The following WASF3 variants were observed in gnomAD, a reference collection of about 807,000 sequenced individuals.
WASF3 encodes the protein actin-binding protein WASF3.
WASF3 carries 11 observed loss-of-function variants against 46.6 expected under a neutral mutation model. The observed-to-expected ratio is 0.24, with a 90% CI of 0.15 to 0.39. The LOEUF (loss-of-function observed/expected upper bound fraction) is 0.39. Ranked by LOEUF, WASF3 falls within the 10% of genes least tolerant of loss-of-function variation. WASF3 has a pLI of 1.00. For synonymous variants in WASF3, 242 were observed against 259.7 expected, an observed-to-expected ratio of 0.93 and a Z score of 0.65; for missense variants, 576 against 669.8, an observed-to-expected ratio of 0.86 and a Z score of 1.55.
chr13:26,620,156 AT>A (rs952058687), intron 2 of WASF3, among the ~76,000 whole-genome samples: 2 of 151,934 alleles, frequency 1.3e-5, no homozygotes, highest in Non-Finnish European at 2.9e-5. Context: ...TTATCTTAAA[AT>A]TTTTTTTATT....
In WASF3 at chr13:26,586,752, C is replaced by G. The variant is rs1411551035; in HGVS notation, c.-108-26209C>G. Among the ~76,000 whole-genome samples the G allele has an allele frequency of 2.0e-5, 3 of 152,252 alleles. No homozygotes were observed. In the East Asian group the frequency reaches 5.8e-4, roughly 29 times the overall value. ...GACTGGGTTTTAGACCTTATTCTGA[C>G]ATTAACTGGCTCTGTAATAAAAAGA... is the stretch of plus-strand genomic sequence containing the variant. On this transcript the variant is annotated intron_variant, in intron 1 of 9. Transcript: ENST00000335327.
At chr13:26,542,795 T>A in the WASF3 span, among the ~76,000 whole-genome samples, 54 of 152,340 alleles carry the variant, frequency 3.5e-4, no homozygotes, top group African/African-American at 1.2e-3. Flanking sequence ...CATTGTTAGT[T>A]TATTAGCAGA....
chr13:26,570,840 G>T (rs1338405404), intron 1 of WASF3, among the ~76,000 whole-genome samples: 1 of 152,150 alleles, frequency 6.6e-6, no homozygotes, highest in Non-Finnish European at 1.5e-5. Context: ...CTGGGTTGAA[G>T]GATAAATGTA....
At chr13:26,610,847 A>G (rs17546069) in intron 1 of WASF3, among the ~76,000 whole-genome samples, 20,858 of 152,122 alleles carry the variant, frequency 0.14, 1,596 homozygotes, top group South Asian at 0.2. Flanking sequence ...TGTGACTTCA[A>G]AGGAGTTACT....
intron 1 of WASF3, among the ~76,000 whole-genome samples, chr13:26,602,011 C>G (rs560362400): frequency 6.6e-6 from 1 of 152,340 alleles, no homozygotes; most frequent in Admixed American, 6.5e-5. Flanking sequence ...TTAAATGCCT[C>G]TGCTACCTTG....
intron 2 of WASF3, among the ~76,000 whole-genome samples, chr13:26,640,040 GGT>G (rs1881948646): frequency 6.6e-6 from 1 of 152,060 alleles, no homozygotes; most frequent in Non-Finnish European, 1.5e-5. Flanking sequence ...GGAGGTGATA[GGT>G]GTGATAGGTG....
chr13:26,636,305 G>T (rs1185158199), intron 2 of WASF3, among the ~76,000 whole-genome samples: 3 of 152,258 alleles, frequency 2.0e-5, no homozygotes, highest in African/African-American at 7.2e-5. Flanking sequence ...CGCAGGTGTG[G>T]TACCCACCGA....
chr13:26,544,454 G>A, the WASF3 span, among the ~76,000 whole-genome samples: 5 of 152,138 alleles, frequency 3.3e-5, no homozygotes, highest in African/African-American at 4.8e-5. Context: ...CACAAACATG[G>A]GGTCAGTGCT....
chr13:26,544,083 GAATTCACAA>G, the WASF3 span, among the ~76,000 whole-genome samples: 1 of 152,158 alleles, frequency 6.6e-6, no homozygotes, highest in Non-Finnish European at 1.5e-5. Context: ...GGCACAGGAA[GAATTCACAA>G]AAATTCTAAC....
intron 1 of WASF3, among the ~76,000 whole-genome samples, chr13:26,596,849 C>T (rs1053784069): frequency 1.3e-5 from 2 of 152,158 alleles, no homozygotes; most frequent in African/African-American, 4.8e-5. Flanking sequence ...ATAGAACCAC[C>T]TTCTGCTATG....
chr13:26,567,157 T>TTA (rs1053976307), intron 1 of WASF3, among the ~76,000 whole-genome samples: 1 of 152,184 alleles, frequency 6.6e-6, no homozygotes, highest in African/African-American at 2.4e-5. Flanking sequence ...CTGACATGGT[T>TTA]TATTATATAT....
chr13:26,639,167 T>C (rs899519107), intron 2 of WASF3, among the ~76,000 whole-genome samples: 3 of 152,176 alleles, frequency 2.0e-5, no homozygotes, highest in Non-Finnish European at 2.9e-5. Context: ...TAAAAATCAT[T>C]ACTACATTAT....
chr13:26,628,099 A>C (rs1486201132), intron 2 of WASF3, among the ~76,000 whole-genome samples: 1 of 151,970 alleles, frequency 6.6e-6, no homozygotes, highest in Non-Finnish European at 1.5e-5. Context: ...TAGAACTGAG[A>C]CCTCAGAATA....
chr13:26,549,227 G>C, the WASF3 span, among the ~76,000 whole-genome samples: 1 of 151,888 alleles, frequency 6.6e-6, no homozygotes, highest in Non-Finnish European at 1.5e-5. Context: ...TGATCCACCC[G>C]CCTCAGCCTC....
rs189169044 is a variant in WASF3, at chr13:26,592,609, C to T, written c.-108-20352C>T. Among the ~76,000 whole-genome samples, 176 of 152,232 alleles carry T rather than the reference C, an allele frequency of 1.2e-3. 1 individual carries two copies. Among genetic ancestry groups the T allele is most frequent in the African/African-American group, 4.2e-3 (174 of 41,528 alleles). ...CCATAGGTCCCATAGGATCCAGCTC[C>T]CACCCTATGACCTCATTTAACCTTA... On this transcript the variant is annotated intron_variant, in intron 1 of 9. Transcript: ENST00000335327.
chr13:26,617,177 T>C (rs935916669), intron 2 of WASF3, among the ~76,000 whole-genome samples: 4 of 152,206 alleles, frequency 2.6e-5, no homozygotes, highest in Non-Finnish European at 4.4e-5. Flanking sequence ...ATTGTATTAT[T>C]CAAATCTTGG....
At chr13:26,592,952 T>C (rs1490173202) in intron 1 of WASF3, among the ~76,000 whole-genome samples, 1 of 152,200 alleles carries the variant, frequency 6.6e-6, no homozygotes, top group Non-Finnish European at 1.5e-5. Flanking sequence ...CACAAATGTT[T>C]TTGCACAAAT....
At chr13:26,569,557 A>G (rs1262847883) in intron 1 of WASF3, among the ~76,000 whole-genome samples, 1 of 152,198 alleles carries the variant, frequency 6.6e-6, no homozygotes, top group Non-Finnish European at 1.5e-5. Context: ...AGGTGCAGCT[A>G]AAGTCATACT....
intron 1 of WASF3, among the ~76,000 whole-genome samples, chr13:26,583,659 A>G (rs1215895240): frequency 1.3e-5 from 2 of 151,974 alleles, no homozygotes; most frequent in African/African-American, 4.8e-5. Flanking sequence ...CCCTGAGCAC[A>G]CTCTGCTATG....
Sources: gnomAD v4.1 joint callset for allele counts (sites outside exome capture counted in the v4.1 genomes callset) on GRCh38, gnomAD v4.1.1 for gene constraint, MANE v1.5 for transcripts, NCBI Gene and HGNC (gene_info 2026-07-23, HGNC 2026-07-21) for gene names.